The following ZC3H12B variants were observed in gnomAD, a reference collection of about 807,000 sequenced individuals.
The protein encoded by ZC3H12B is probable ribonuclease ZC3H12B.
Under a neutral mutation model 43.9 loss-of-function variants are expected in ZC3H12B, and 7 were observed. That is an observed-to-expected ratio of 0.16 (90% CI 0.09 to 0.30). The LOEUF (loss-of-function observed/expected upper bound fraction) is 0.30. Among genes scored for constraint, ZC3H12B ranks in the 10% least tolerant of loss-of-function variants. The pLI, the probability that ZC3H12B is intolerant of heterozygous loss-of-function variation, is 1.00. For synonymous variants in ZC3H12B, 222 were observed against 241.7 expected (o/e 0.92, Z 0.76); for missense variants, 475 against 670.2 (o/e 0.71, Z 3.22).
the ZC3H12B span, among the ~76,000 whole-genome samples, chrX:65,248,828 A>G: frequency 8.9e-6 from 1 of 111,815 alleles, no homozygotes; most frequent in Non-Finnish European, 1.9e-5. Flanking sequence ...TTCCCTGATC[A>G]TTAGTGATGT....
chrX:65,166,628 C>T, the ZC3H12B span, among the ~76,000 whole-genome samples: 1 of 111,901 alleles, frequency 8.9e-6, no homozygotes, highest in Non-Finnish European at 1.9e-5. Context: ...ACACCGTCTT[C>T]CACAATGGTT....
chrX:65,156,450 G>A, the ZC3H12B span, among the ~76,000 whole-genome samples: 1 of 111,527 alleles, frequency 9.0e-6, no homozygotes, highest in South Asian at 3.8e-4. Flanking sequence ...GCGCAATCTC[G>A]TCTCACTGCA....
chrX:65,220,034 G>A, the ZC3H12B span, among the ~76,000 whole-genome samples: 1 of 111,034 alleles, frequency 9.0e-6, no homozygotes, highest in Non-Finnish European at 1.9e-5. Flanking sequence ...AAGCTGAAAG[G>A]GATAGGGGTC....
chrX:65,251,946 G>A, the ZC3H12B span, among the ~76,000 whole-genome samples: 3 of 111,434 alleles, frequency 2.7e-5, no homozygotes, highest in East Asian at 2.8e-4. Context: ...CTTCCTGATT[G>A]CCCTGGCCAG....
chrX:65,406,321 G>A (rs898407286), intron 3 of ZC3H12B, among the ~76,000 whole-genome samples: 3 of 107,513 alleles, frequency 2.8e-5, no homozygotes, highest in Non-Finnish European at 5.8e-5. Flanking sequence ...TTCATCCCTG[G>A]GATGCAAGGA....
At chrX:65,378,840 G>C (rs1056678786) in intron 2 of ZC3H12B, among the ~76,000 whole-genome samples, 1 of 112,598 alleles carries the variant, frequency 8.9e-6, no homozygotes, top group Non-Finnish European at 1.9e-5. Flanking sequence ...CAAAGAAAGT[G>C]GTGACAGACG....
chrX:65,398,309 C>T (rs746177120), intron 2 of ZC3H12B, among the ~76,000 whole-genome samples: 5 of 111,670 alleles, frequency 4.5e-5, no homozygotes, highest in Admixed American at 3.8e-4. Context: ...CCAGAATATC[C>T]AAAGCTATCC....
the ZC3H12B span, among the ~76,000 whole-genome samples, chrX:65,183,542 C>A: frequency 3.6e-4 from 40 of 111,162 alleles, 1 homozygote; most frequent in Non-Finnish European, 1.1e-4. Flanking sequence ...TACCTTTGAT[C>A]CTGAAATAAA....
At chrX:65,386,000 T>G (rs756869645) in intron 2 of ZC3H12B, among the ~76,000 whole-genome samples, 2 of 112,375 alleles carry the variant, frequency 1.8e-5, no homozygotes, top group Admixed American at 9.4e-5. Context: ...GAAGCCCACT[T>G]GATCATGGTG....
the ZC3H12B span, among the ~76,000 whole-genome samples, chrX:65,155,914 A>G: frequency 9.1e-6 from 1 of 110,190 alleles, no homozygotes; most frequent in South Asian, 3.9e-4. Context: ...AAGAGTATTT[A>G]TAAGGTTGGA....
chrX:65,227,295 C>G, the ZC3H12B span, among the ~76,000 whole-genome samples: 29 of 111,328 alleles, frequency 2.6e-4, no homozygotes, highest in South Asian at 5.7e-3. Context: ...GGGTACATAA[C>G]GAAATGAAGG....
At chrX:65,310,993 A>G in the ZC3H12B span, among the ~76,000 whole-genome samples, 2 of 112,528 alleles carry the variant, frequency 1.8e-5, no homozygotes, top group African/African-American at 6.5e-5. Flanking sequence ...ACAAAAATTA[A>G]TTCAAGATGG....
At chrX:65,195,281 C>A in the ZC3H12B span, among the ~76,000 whole-genome samples, 1 of 110,950 alleles carries the variant, frequency 9.0e-6, no homozygotes, top group Non-Finnish European at 1.9e-5. Context: ...AGGTGATTTT[C>A]TGTGGTGTTA....
At chrX:65,345,261 G>A in the ZC3H12B span, among the ~76,000 whole-genome samples, 1 of 111,999 alleles carries the variant, frequency 8.9e-6, no homozygotes, top group African/African-American at 3.2e-5. Flanking sequence ...GTACATTGCA[G>A]CACTATTCAC....
chrX:65,357,247 A>G, the ZC3H12B span: 45 of 370,666 alleles, frequency 1.2e-4, no homozygotes, highest in South Asian at 1.4e-3. Flanking sequence ...AGTTTGCAAA[A>G]AGACTCAATA....
At chrX:65,093,624 G>A in the ZC3H12B span, among the ~76,000 whole-genome samples, 2 of 112,098 alleles carry the variant, frequency 1.8e-5, no homozygotes, top group Middle Eastern at 4.2e-3. Context: ...GCTGGGTTTT[G>A]GACTTGCATG....
chrX:65,401,471 C>T (rs995104935), intron 3 of ZC3H12B, among the ~76,000 whole-genome samples: 1 of 111,734 alleles, frequency 8.9e-6, no homozygotes, highest in African/African-American at 3.3e-5. Flanking sequence ...ACAAAGTGCT[C>T]TGTATCTCTA....
the ZC3H12B span, among the ~76,000 whole-genome samples, chrX:65,189,800 A>G: frequency 9.0e-6 from 1 of 110,804 alleles, no homozygotes; most frequent in East Asian, 2.8e-4. Flanking sequence ...TCTTTTGTTT[A>G]ATTAGATCCC....
At chrX:65,338,645 C>T in the ZC3H12B span, among the ~76,000 whole-genome samples, 1 of 112,205 alleles carries the variant, frequency 8.9e-6, no homozygotes, top group Non-Finnish European at 1.9e-5. Context: ...TCTGGCAGCA[C>T]ATCAAAAACT....
Sources: allele counts gnomAD v4.1 joint callset (sites outside exome capture counted in the v4.1 genomes callset), GRCh38; gene constraint gnomAD v4.1.1; transcripts MANE v1.5; gene names NCBI Gene and HGNC (gene_info 2026-07-23, HGNC 2026-07-21).